ABTB3: variants seen among roughly 807,000 people sequenced by gnomAD.
ABTB3 encodes ankyrin repeat- and BTB/POZ domain-containing protein 3.
At chr12:107,638,647 T>C in the ABTB3 span, among the ~76,000 whole-genome samples, 2 of 152,206 alleles carry the variant, frequency 1.3e-5, no homozygotes, top group African/African-American at 2.4e-5. Flanking sequence ...AAAACATCCA[T>C]TGAACCTCTA....
the ABTB3 span, among the ~76,000 whole-genome samples, chr12:107,424,346 G>T: frequency 1.3e-5 from 2 of 152,170 alleles, no homozygotes; most frequent in African/African-American, 2.4e-5. Flanking sequence ...CTCACCCACT[G>T]CAGGTAAACA....
chr12:107,585,718 G>A, the ABTB3 span, among the ~76,000 whole-genome samples: 1 of 152,202 alleles, frequency 6.6e-6, no homozygotes, highest in South Asian at 2.1e-4. Context: ...ATAGGTGAAG[G>A]CTGGGCCTCA....
At chr12:107,489,417 G>A in the ABTB3 span, among the ~76,000 whole-genome samples, 2 of 152,152 alleles carry the variant, frequency 1.3e-5, no homozygotes, top group African/African-American at 4.8e-5. Context: ...ATACTTGGGA[G>A]GCTGAGGCAG....
chr12:107,530,693 A>T, the ABTB3 span, among the ~76,000 whole-genome samples: 1 of 152,152 alleles, frequency 6.6e-6, no homozygotes, highest in Non-Finnish European at 1.5e-5. Context: ...CGGCTGCAAA[A>T]GTTTATTATT....
chr12:107,460,758 A>G, the ABTB3 span, among the ~76,000 whole-genome samples: 3 of 152,126 alleles, frequency 2.0e-5, no homozygotes, highest in African/African-American at 7.2e-5. Flanking sequence ...ATCCCACATC[A>G]GGGGGCTGGG....
chr12:107,477,977 G>A, the ABTB3 span, among the ~76,000 whole-genome samples: 1 of 152,162 alleles, frequency 6.6e-6, no homozygotes, highest in Non-Finnish European at 1.5e-5. Flanking sequence ...GAGACCTGAG[G>A]GGAATTTCCT....
chr12:107,472,964 C>A, the ABTB3 span, among the ~76,000 whole-genome samples: 1 of 152,252 alleles, frequency 6.6e-6, no homozygotes, highest in Non-Finnish European at 1.5e-5. Flanking sequence ...GCGACAGAAG[C>A]TGTACCATTC....
the ABTB3 span, among the ~76,000 whole-genome samples, chr12:107,569,189 CA>C: frequency 6.6e-6 from 1 of 152,194 alleles, no homozygotes; most frequent in African/African-American, 2.4e-5. Context: ...CCAAAGATGG[CA>C]TGGGGGAAGC....
chr12:107,619,295 TGA>T, the ABTB3 span, among the ~76,000 whole-genome samples: 1 of 152,228 alleles, frequency 6.6e-6, no homozygotes, highest in African/African-American at 2.4e-5. Context: ...TGCCTCTGCA[TGA>T]GAGGCGAGAG....
chr12:107,482,913 CTTCTTTCTTTCTTTCTTTCTTTCTTTCT>C, the ABTB3 span, among the ~76,000 whole-genome samples: 60 of 118,066 alleles, frequency 5.1e-4, no homozygotes, highest in Admixed American at 1.1e-3. Flanking sequence ...TCTCTTTCTT[CTTCTTTCTTTCTTTCTTTCTTTCTTTCT>C]TTCTTTCTTT....
the ABTB3 span, among the ~76,000 whole-genome samples, chr12:107,655,569 C>T: frequency 1.3e-5 from 2 of 152,232 alleles, no homozygotes; most frequent in African/African-American, 4.8e-5. Context: ...AAGAAAACAA[C>T]ACTTGCGTTT....
the ABTB3 span, among the ~76,000 whole-genome samples, chr12:107,607,233 T>C: frequency 6.6e-6 from 1 of 152,182 alleles, no homozygotes; most frequent in Non-Finnish European, 1.5e-5. Context: ...TCTCAAGTAT[T>C]TTTATTTGCT....
the ABTB3 span, among the ~76,000 whole-genome samples, chr12:107,603,811 G>A: frequency 6.6e-6 from 1 of 152,164 alleles, no homozygotes; most frequent in Non-Finnish European, 1.5e-5. Flanking sequence ...CATCTGATAT[G>A]GGGTTAATAT....
At chr12:107,513,655 T>C in the ABTB3 span, among the ~76,000 whole-genome samples, 1 of 152,148 alleles carries the variant, frequency 6.6e-6, no homozygotes, top group Non-Finnish European at 1.5e-5. Context: ...AATGGACTAA[T>C]ATAGCATCCC....
the ABTB3 span, among the ~76,000 whole-genome samples, chr12:107,332,892 C>T: frequency 6.6e-6 from 1 of 152,198 alleles, no homozygotes; most frequent in Non-Finnish European, 1.5e-5. Flanking sequence ...CAATCATGAG[C>T]CGACTCACAA....
At chr12:107,494,688 G>A in the ABTB3 span, among the ~76,000 whole-genome samples, 1 of 152,106 alleles carries the variant, frequency 6.6e-6, no homozygotes, top group Non-Finnish European at 1.5e-5. Flanking sequence ...CCACTGCTCT[G>A]GAATACCAGA....
At chr12:107,628,441 C>G in the ABTB3 span, among the ~76,000 whole-genome samples, 1 of 152,212 alleles carries the variant, frequency 6.6e-6, no homozygotes, top group Admixed American at 6.5e-5. Context: ...CCACACCTGG[C>G]CAAAGTGAGT....
the ABTB3 span, among the ~76,000 whole-genome samples, chr12:107,656,571 A>G: frequency 0.32 from 48,738 of 152,196 alleles, 8,107 homozygotes; most frequent in East Asian, 0.57. Flanking sequence ...AGTCTAGGGA[A>G]TGAGAGCTCC....
chr12:107,352,326 C>T, the ABTB3 span, among the ~76,000 whole-genome samples: 1 of 152,084 alleles, frequency 6.6e-6, no homozygotes, highest in East Asian at 1.9e-4. Flanking sequence ...ACGCATGGAG[C>T]ACTTGGGGAA....
Sources: gnomAD v4.1 joint callset for allele counts (sites outside exome capture counted in the v4.1 genomes callset) on GRCh38, gnomAD v4.1.1 for gene constraint, MANE v1.5 for transcripts, NCBI Gene and HGNC (gene_info 2026-07-23, HGNC 2026-07-21) for gene names.